The following B3GAT3 variants were observed in gnomAD, a reference collection of about 807,000 sequenced individuals.
B3GAT3 encodes the protein galactosylgalactosylxylosylprotein 3-beta-glucuronosyltransferase 3.
A neutral mutation model predicts 33.1 loss-of-function variants in B3GAT3; 19 were observed. That is an observed-to-expected ratio of 0.57 (90% CI 0.40 to 0.84). B3GAT3 has a LOEUF of 0.84. Ranked by LOEUF, B3GAT3 falls within the 40% of genes least tolerant of loss-of-function variation. B3GAT3 has a pLI of 0.00. For missense variants in B3GAT3, 344 were observed against 441.5 expected, an observed-to-expected ratio of 0.78 and a Z score of 1.98; for synonymous variants, 167 against 193.5, an observed-to-expected ratio of 0.86 and a Z score of 1.14.
intron 4 of B3GAT3, chr11:62,616,026 G>C (rs545087229): frequency 7.5e-7 from 1 of 1,326,522 alleles, no homozygotes; most frequent in South Asian, 1.5e-5. Flanking sequence ...GGCGGATCAC[G>C]AGGTCAGGAG....
At position 62,621,981 on chromosome 11, in the gene B3GAT3, G is replaced by C; in HGVS notation, c.-34C>G. ...CGCCGCCCGCGCCCGAGCAGGCGGG[G>C]TCTGCAGGGGACGAGGGGTTCCCGC... On this transcript the variant is annotated 5_prime_UTR_variant, in exon 1 of 5. Coordinates refer to ENST00000265471, the MANE Select transcript of B3GAT3 (RefSeq NM_012200.4). 6.2e-7 allele frequency: 1 copy of C among 1,611,282 alleles called. No homozygotes were observed.
chr11:62,618,177 CAAAAAAA>C (rs150492409), intron 2 of B3GAT3, among the ~76,000 whole-genome samples: 1 of 46,278 alleles, frequency 2.2e-5, no homozygotes, highest in African/African-American at 1.0e-4. Flanking sequence ...AACTCTGTCT[CAAAAAAA>C]AAAAAAAAAA....
Position 62,616,977 on chromosome 11 carries a change from T to C in B3GAT3, c.618+10A>G. On this transcript the variant is annotated intron_variant, in intron 3 of 4. Coordinates refer to ENST00000265471, the MANE Select transcript of B3GAT3 (RefSeq NM_012200.4). ...CCTGGTCTCTTGCCCATCCCCATCC[T>C]GGTGCTCACCTCCTCAAACAGCTCC... 1.9e-6 allele frequency: 3 copies of C among 1,614,194 alleles called. No individual in the cohort carries two copies. Among genetic ancestry groups the C allele is most frequent in the Non-Finnish European group, 8.5e-7 (1 of 1,180,022 alleles).
chr11:62,617,900 G>C (rs1943065543), intron 2 of B3GAT3, among the ~76,000 whole-genome samples: 1 of 151,252 alleles, frequency 6.6e-6, no homozygotes, highest in African/African-American at 2.4e-5. Context: ...AAAAGGCCGG[G>C]CATGTTGGCT....
chr11:62,616,993 A>C lies in B3GAT3; in HGVS notation c.612T>G (p.Phe204Leu), dbSNP rs751138758. The C allele has an allele frequency of 1.9e-6, 3 of 1,614,072 alleles. No homozygotes were observed. The highest frequency in any genetic ancestry group is 2.5e-6 in the Non-Finnish European group (3 of 1,180,038). The change falls in exon 3 of 5, where the codon TTT (phenylalanine) becomes TTG (leucine). Residue 204 changes from phenylalanine to leucine, a missense_variant. Phe to Leu is a conservative substitution (Grantham distance 22, BLOSUM62 0). Transcript: ENST00000265471. ...DDDNTYSREL[F>L]EEMRWTRGVS... is the part of the protein sequence containing the mutation. ...TCCCCATCCTGGTGCTCACCTCCTC[A>C]AACAGCTCCCGGCTGTAGGTGTTGT...
At chr11:62,619,665 G>GAGATTACA (rs1943104964) in intron 2 of B3GAT3, among the ~76,000 whole-genome samples, 1 of 138,422 alleles carries the variant, frequency 7.2e-6, no homozygotes, top group Admixed American at 7.7e-5. Context: ...CAGAGTAGCT[G>GAGATTACA]AGATTACAGG....
intron 2 of B3GAT3, chr11:62,617,598 C>G: frequency 1.7e-6 from 1 of 582,722 alleles, no homozygotes; most frequent in South Asian, 2.0e-5. Context: ...GGGCACAGGG[C>G]CGGGCATGGT....
chr11:62,621,094 T>C (rs1333832753), intron 1 of B3GAT3: 2 of 462,484 alleles, frequency 4.3e-6, no homozygotes, highest in South Asian at 1.5e-5. Context: ...AATCTTTGCA[T>C]AAGGGGCAGG....
At chr11:62,618,959 G>C (rs570752241) in intron 2 of B3GAT3, among the ~76,000 whole-genome samples, 3 of 151,776 alleles carry the variant, frequency 2.0e-5, no homozygotes, top group African/African-American at 7.3e-5. Context: ...CTCCAGCCTG[G>C]GCGACAGAGT....
chr11:62,615,876 C>A (rs878918656), intron 4 of B3GAT3, 77 bp from the exon 5 acceptor site: 2 of 1,573,850 alleles, frequency 1.3e-6, no homozygotes. Flanking sequence ...GGAATGGATT[C>A]TCTAACCCTA....
Position 62,621,921 on chromosome 11 carries a change from A to C in B3GAT3, c.27T>G (p.Phe9Leu). The change falls in exon 1 of 5, where the codon TTT (phenylalanine) becomes TTG (leucine). Residue 9 changes from phenylalanine (F) to leucine (L), a missense_variant. Phe to Leu is a conservative substitution (Grantham distance 22). Transcript: ENST00000265471. Reference protein sequence around the residue: MKLKLKNVFLAYFLVSIAG... With the variant: MKLKLKNVLLAYFLVSIAG... ...CGATCGACACCAGGAAGTAGGCGAGAAACACGTTCTTCAGCTTCAGCTTCA... is the reference window on the plus strand; with the variant it reads ...CGATCGACACCAGGAAGTAGGCGAGCAACACGTTCTTCAGCTTCAGCTTCA... 1 of 1,613,076 alleles carries C rather than the reference A, an allele frequency of 6.2e-7. No homozygotes were observed.
At chr11:62,616,257 A>T in intron 4 of B3GAT3, 1 of 620,982 alleles carries the variant, frequency 1.6e-6, no homozygotes, top group East Asian at 2.9e-5. Flanking sequence ...AAAAAAAAAA[A>T]ACAACAAACA....
chr11:62,617,644 G>A (rs967366586), intron 2 of B3GAT3, among the ~76,000 whole-genome samples: 3 of 152,060 alleles, frequency 2.0e-5, no homozygotes, highest in African/African-American at 7.2e-5. Flanking sequence ...GGAGGCTGAG[G>A]CAGGTGAATT....
rs771622019 is a variant in B3GAT3 at position 62,617,160 on chromosome 11, C to T, written c.445G>A (p.Glu149Lys). Residue 149 changes from glutamate to lysine, a missense_variant, in exon 3 of 5, where the codon GAG becomes AAG. Glu to Lys is a moderately conservative substitution (Grantham distance 56). Transcript: ENST00000265471. ...CCACGGGGATGAACCCAGCCAGGCT[C>T]GCCCTCCCGAAGCCGCTGGGCTTTG... ...TPKAQRLREGEPGWVHPRGVE... is the reference protein window; with the variant it reads ...TPKAQRLREGKPGWVHPRGVE... 11 of 1,613,858 alleles carry T rather than the reference C, an allele frequency of 6.8e-6. No homozygotes were observed. Among genetic ancestry groups the T allele is most frequent in the Admixed American group, 5.0e-5 (3 of 59,992 alleles).
At chr11:62,621,661 G>T (rs1943146583) in intron 1 of B3GAT3, among the ~76,000 whole-genome samples, 1 of 152,374 alleles carries the variant, frequency 6.6e-6, no homozygotes, top group South Asian at 2.1e-4. Context: ...GGCCTTGCAG[G>T]CTCTGGGAAG....
At chr11:62,616,346 C>A (rs182825684) in intron 4 of B3GAT3, 160 bp downstream of exon 4, 4 of 1,081,410 alleles carry the variant, frequency 3.7e-6, no homozygotes, top group Non-Finnish European at 1.4e-6. Context: ...CACTTTCCCC[C>A]GCTAGTTCCC....
intron 4 of B3GAT3, 183 bp from the exon 5 acceptor site, chr11:62,615,982 G>T (rs554454930): frequency 2.3e-5 from 33 of 1,462,050 alleles, no homozygotes; most frequent in Middle Eastern, 2.4e-4. Context: ...CGTGGCTCAC[G>T]CCTGTAACCC....
At position 62,621,869 on chromosome 11, in the gene B3GAT3, G is replaced by T; in HGVS notation, c.79C>A (p.Leu27Ile). 6.2e-7 allele frequency: 1 copy of T among 1,611,980 alleles called. No homozygotes were observed. The highest frequency in any genetic ancestry group is 8.5e-7 in the Non-Finnish European group (1 of 1,179,012). ...IAGLLYALVQ[L>I]GQPCDCLPPL... ...ACCCCCGCCCCGCCCCGCTCACCGAGCTGTACCAGCGCGTAGAGGAGGCCG... is the reference window on the plus strand; with the variant it reads ...ACCCCCGCCCCGCCCCGCTCACCGATCTGTACCAGCGCGTAGAGGAGGCCG... Residue 27 changes from leucine (L) to isoleucine (I), a missense_variant, in exon 1 of 5, where the codon CTC (leucine) becomes ATC (isoleucine). Leu to Ile is a conservative substitution (Grantham distance 5). Coordinates refer to ENST00000265471, the MANE Select transcript of B3GAT3 (RefSeq NM_012200.4).
chr11:62,620,766 C>CT (rs1435126229), intron 1 of B3GAT3, 95 bp from the exon 2 acceptor site: 1 of 1,247,838 alleles, frequency 8.0e-7, no homozygotes, highest in Non-Finnish European at 1.1e-6. Flanking sequence ...TCATTAATTC[C>CT]TAACCAATGC....
Sources: gnomAD v4.1 joint callset for allele counts (sites outside exome capture counted in the v4.1 genomes callset) on GRCh38, gnomAD v4.1.1 for gene constraint, MANE v1.5 for transcripts, NCBI Gene and HGNC (gene_info 2026-07-23, HGNC 2026-07-21) for gene names.